Variants in COP1 observed in about 807,000 individuals in gnomAD.
COP1 encodes COP1 E3 ubiquitin ligase.
In COP1, 24 loss-of-function variants were observed where a neutral mutation model predicts 101.3. That is an observed-to-expected ratio of 0.24 (90% CI 0.17 to 0.33). COP1 has a LOEUF of 0.33. COP1 is among the 10% of genes least tolerant of loss of function. The pLI is 1.00. For synonymous variants in COP1, 347 were observed against 341.9 expected (o/e 1.01, Z -0.17); for missense variants, 663 against 906.2 (o/e 0.73, Z 3.45).
chr1:176,133,207 TAC>T (rs1396707742), intron 8 of COP1, among the ~76,000 whole-genome samples: 1 of 150,430 alleles, frequency 6.6e-6, no homozygotes, highest in African/African-American at 2.4e-5. Flanking sequence ...TGTACGTATG[TAC>T]ACACATACGT....
chr1:175,954,986 C>T (rs1650430723), intron 18 of COP1, among the ~76,000 whole-genome samples: 1 of 152,102 alleles, frequency 6.6e-6, no homozygotes, highest in Admixed American at 6.5e-5. Flanking sequence ...TAGGGTGGCT[C>T]ATGCCTGTGA....
intron 15 of COP1, among the ~76,000 whole-genome samples, chr1:176,023,546 C>T (rs1408193325): frequency 6.6e-6 from 1 of 151,366 alleles, no homozygotes; most frequent in East Asian, 1.9e-4. Flanking sequence ...TGGTGAAACC[C>T]CATCTCTACT....
At chr1:176,177,648 T>TA (rs1384770445) in intron 2 of COP1, among the ~76,000 whole-genome samples, 9 of 152,198 alleles carry the variant, frequency 5.9e-5, no homozygotes, top group African/African-American at 2.2e-4. Context: ...AGGTGATCTG[T>TA]AAAAATCATT....
chr1:176,124,001 C>T (rs985220243), intron 8 of COP1, among the ~76,000 whole-genome samples: 2 of 152,170 alleles, frequency 1.3e-5, no homozygotes, highest in Non-Finnish European at 2.9e-5. Context: ...AAATACGAGT[C>T]TTGGTTGACA....
intron 3 of COP1, among the ~76,000 whole-genome samples, chr1:176,173,563 C>T (rs1011123289): frequency 2.6e-5 from 4 of 150,968 alleles, no homozygotes; most frequent in Non-Finnish European, 5.9e-5. Flanking sequence ...TCACCTGAAC[C>T]AGGGAGATCA....
At chr1:176,193,070 T>C (rs1470745982) in intron 1 of COP1, among the ~76,000 whole-genome samples, 5 of 152,152 alleles carry the variant, frequency 3.3e-5, no homozygotes, top group African/African-American at 7.2e-5. Flanking sequence ...AACTTCCCTT[T>C]GGCTACCAAG....
intron 15 of COP1, among the ~76,000 whole-genome samples, chr1:176,003,742 T>C (rs974903145): frequency 4.0e-5 from 6 of 151,748 alleles, no homozygotes; most frequent in Admixed American, 6.6e-5. Flanking sequence ...CATGCTGTTT[T>C]GGTTACTGTA....
chr1:176,023,409 A>C (rs1262547472), intron 15 of COP1, among the ~76,000 whole-genome samples: 1 of 152,198 alleles, frequency 6.6e-6, no homozygotes, highest in African/African-American at 2.4e-5. Flanking sequence ...AACTTAGAAA[A>C]TATGAATTCA....
intron 14 of COP1, among the ~76,000 whole-genome samples, chr1:176,042,300 T>C (rs1397504957): frequency 7.3e-6 from 1 of 136,860 alleles, no homozygotes; most frequent in Non-Finnish European, 1.6e-5. Flanking sequence ...GTGGCTCATG[T>C]CTGTAATCCC....
chr1:176,184,553 C>T, intron 2 of COP1, 80 bp downstream of exon 2: 1 of 1,193,480 alleles, frequency 8.4e-7, no homozygotes, highest in Non-Finnish European at 1.2e-6. Flanking sequence ...TGGTTTAAAA[C>T]ACGTAACTTC....
Position 176,037,268 on chromosome 1 carries a change from A to G in COP1, c.1612+5918T>C, listed in dbSNP as rs1317991292. ...ATACAAAAACAAAAATTAGCCAGGC[A>G]TGGTGGCGGGTGCCCGTAGTCCCAG... On this transcript the variant is annotated intron_variant, in intron 14 of 19. Coordinates refer to ENST00000367669, the MANE Select transcript of COP1 (RefSeq NM_022457.7). Among the ~76,000 whole-genome samples the G allele has an allele frequency of 2.0e-5, 3 of 152,076 alleles. No homozygotes were observed. The East Asian group carries it at 5.8e-4, about 30-fold the overall frequency.
intron 11 of COP1, among the ~76,000 whole-genome samples, chr1:176,046,620 A>G (rs1203106872): frequency 2.0e-5 from 3 of 152,102 alleles, no homozygotes; most frequent in Non-Finnish European, 4.4e-5. Context: ...CAGCTTACTG[A>G]GAAAGATTTA....
At chr1:176,102,307 G>A (rs1488348056) in intron 9 of COP1, among the ~76,000 whole-genome samples, 2 of 152,008 alleles carry the variant, frequency 1.3e-5, no homozygotes, top group Admixed American at 6.6e-5. Context: ...ACCCTTGTAC[G>A]TGCCTGCAAG....
At chr1:176,023,584 G>A (rs1392944534) in intron 15 of COP1, among the ~76,000 whole-genome samples, 1 of 151,936 alleles carries the variant, frequency 6.6e-6, no homozygotes. Context: ...TGGGAGTGGT[G>A]GCATATGCCT....
chr1:176,011,479 A>C (rs1664662712), intron 15 of COP1, among the ~76,000 whole-genome samples: 1 of 152,194 alleles, frequency 6.6e-6, no homozygotes, highest in Admixed American at 6.5e-5. Flanking sequence ...ACATTCACTA[A>C]TTATGTGAGT....
At chr1:175,957,429 T>TG (rs1650789969) in intron 18 of COP1, among the ~76,000 whole-genome samples, 1 of 152,212 alleles carries the variant, frequency 6.6e-6, no homozygotes, top group Admixed American at 6.5e-5. Context: ...GCTGTACAAA[T>TG]TTGTAGCCTA....
chr1:176,187,402 C>CGTGT (rs35205766), intron 1 of COP1, among the ~76,000 whole-genome samples: 138 of 149,228 alleles, frequency 9.2e-4, no homozygotes, highest in African/African-American at 3.0e-3. Context: ...TATAAATATA[C>CGTGT]GTGTGTGTGT....
chr1:176,042,574 A>C (rs111290429), intron 14 of COP1, among the ~76,000 whole-genome samples: 1,857 of 149,738 alleles, frequency 0.012, 35 homozygotes, highest in Non-Finnish European at 0.015. Context: ...AAAAAAAAAA[A>C]AAAAAAACTA....
At chr1:175,971,020 G>A (rs1182902973) in intron 18 of COP1, among the ~76,000 whole-genome samples, 2 of 152,120 alleles carry the variant, frequency 1.3e-5, no homozygotes, top group East Asian at 3.9e-4. Flanking sequence ...GAAATGAGGA[G>A]ATGAAAAGCA....
Sources: gnomAD v4.1 joint callset for allele counts (sites outside exome capture counted in the v4.1 genomes callset) on GRCh38, gnomAD v4.1.1 for gene constraint, MANE v1.5 for transcripts, NCBI Gene and HGNC (gene_info 2026-07-23, HGNC 2026-07-21) for gene names.